The following SORCS1 variants were observed in gnomAD, a reference collection of about 807,000 sequenced individuals.
SORCS1 encodes the protein VPS10 domain-containing receptor SorCS1.
In SORCS1, 60 loss-of-function variants were observed where a neutral mutation model predicts 146.1. The observed-to-expected ratio is 0.41, with a 90% CI of 0.33 to 0.51. The LOEUF (loss-of-function observed/expected upper bound fraction) is 0.51, where lower values mean the gene tolerates loss of function less well. Among genes scored for constraint, SORCS1 ranks in the 20% least tolerant of loss-of-function variants. The pLI, the probability that SORCS1 is intolerant of heterozygous loss-of-function variation, is 0.21. For synonymous variants in SORCS1, 637 were observed against 584.0 expected (o/e 1.09, Z -1.31); for missense variants, 1,352 against 1,487.6 (o/e 0.91, Z 1.50).
At chr10:106,761,492 G>A in intron 5 of SORCS1, 96 bp downstream of exon 5, 1 of 1,042,558 alleles carries the variant, frequency 9.6e-7, no homozygotes, top group Admixed American at 1.7e-5. Context: ...GACCTTATGT[G>A]AGAGCACTGG....
At chr10:106,722,913 G>T (rs1330243779) in intron 6 of SORCS1, among the ~76,000 whole-genome samples, 1 of 152,190 alleles carries the variant, frequency 6.6e-6, no homozygotes, top group Non-Finnish European at 1.5e-5. Flanking sequence ...GTTTCAGGGA[G>T]GTAGTAAGTC....
At chr10:106,834,642 G>A (rs1053049024) in intron 2 of SORCS1, among the ~76,000 whole-genome samples, 4 of 151,914 alleles carry the variant, frequency 2.6e-5, no homozygotes, top group African/African-American at 9.7e-5. Context: ...ATGCCAGCCT[G>A]GACTAACCAT....
chr10:106,772,136 T>A (rs1423395258), intron 4 of SORCS1, among the ~76,000 whole-genome samples: 1 of 152,112 alleles, frequency 6.6e-6, no homozygotes, highest in Non-Finnish European at 1.5e-5. Flanking sequence ...AAATCCACCC[T>A]CTCCAGTGTG....
At chr10:106,991,066 G>T (rs1243983912) in intron 1 of SORCS1, among the ~76,000 whole-genome samples, 1 of 152,146 alleles carries the variant, frequency 6.6e-6, no homozygotes, top group African/African-American at 2.4e-5. Flanking sequence ...AGTATTCCAT[G>T]ATACTAACTA....
At chr10:106,715,676 C>A (rs940122849) in intron 6 of SORCS1, among the ~76,000 whole-genome samples, 10 of 152,226 alleles carry the variant, frequency 6.6e-5, no homozygotes, top group African/African-American at 2.4e-4. Flanking sequence ...AGTCCTCTCT[C>A]TGTAATCACC....
intron 19 of SORCS1, among the ~76,000 whole-genome samples, chr10:106,625,840 A>C (rs1464657267): frequency 6.6e-6 from 1 of 152,128 alleles, no homozygotes; most frequent in African/African-American, 2.4e-5. Flanking sequence ...TGGCTGCGAC[A>C]AGGCAGCTTT....
chr10:106,675,201 A>C (rs748797947), intron 13 of SORCS1, 45 bp from the exon 14 acceptor site: 2 of 1,413,458 alleles, frequency 1.4e-6, no homozygotes, highest in African/African-American at 1.4e-5. Context: ...CAAAGGAAAA[A>C]AAAATGTCAT....
intron 2 of SORCS1, among the ~76,000 whole-genome samples, chr10:106,840,859 A>AT (rs1473969372): frequency 3.7e-5 from 4 of 106,754 alleles, no homozygotes; most frequent in African/African-American, 1.4e-4. Flanking sequence ...ATATATATAT[A>AT]TATATTTTTT....
intron 17 of SORCS1, among the ~76,000 whole-genome samples, chr10:106,657,000 T>G (rs1371845897): frequency 5.9e-5 from 9 of 152,210 alleles, no homozygotes; most frequent in Admixed American, 5.9e-4. Context: ...GGGGTAGGAA[T>G]GTAGATTAGT....
chr10:106,636,186 G>T (rs933723501), intron 18 of SORCS1, among the ~76,000 whole-genome samples: 4 of 152,004 alleles, frequency 2.6e-5, no homozygotes, highest in African/African-American at 9.7e-5. Context: ...CTTGAGCCCG[G>T]GAAGTCAAGG....
chr10:106,863,252 G>A (rs1309969581), intron 2 of SORCS1, among the ~76,000 whole-genome samples: 1 of 152,034 alleles, frequency 6.6e-6, no homozygotes, highest in African/African-American at 2.4e-5. Flanking sequence ...GGCTGGGCAC[G>A]GTGACTCACA....
intron 23 of SORCS1, among the ~76,000 whole-genome samples, chr10:106,598,277 ATTT>A (rs1846030541): frequency 1.4e-5 from 2 of 141,508 alleles, no homozygotes; most frequent in Admixed American, 1.4e-4. Context: ...TATTATTATT[ATTT>A]GAGATGGAGT....
intron 4 of SORCS1, among the ~76,000 whole-genome samples, chr10:106,764,058 T>G (rs1859355071): frequency 6.6e-6 from 1 of 152,150 alleles, no homozygotes; most frequent in Non-Finnish European, 1.5e-5. Flanking sequence ...CAAAGAAAAT[T>G]TATCAGAGGA....
rs572447991 is a variant in SORCS1 at position 107,103,260 on chromosome 10, G to A, written c.558+60709C>T. 9.2e-5 allele frequency among the ~76,000 whole-genome samples: 14 copies of A among 152,254 alleles called. No homozygotes were observed. The South Asian group carries it at 2.3e-3, about 25-fold the overall frequency. On this transcript the variant is annotated intron_variant, in intron 1 of 25. Coordinates refer to ENST00000263054, the MANE Select transcript of SORCS1 (RefSeq NM_052918.5). ...TGCGTTACATTTCCCACAAAACAAC[G>A]TTAAGAAACAAAGGAACAGAAGCCA...
At chr10:106,809,081 C>A (rs1424573443) in intron 3 of SORCS1, among the ~76,000 whole-genome samples, 1 of 152,080 alleles carries the variant, frequency 6.6e-6, no homozygotes, top group Non-Finnish European at 1.5e-5. Context: ...GACTCAGATT[C>A]AGTCTTTGCA....
intron 3 of SORCS1, among the ~76,000 whole-genome samples, chr10:106,802,567 T>G (rs537876711): frequency 1.3e-5 from 2 of 152,064 alleles, no homozygotes; most frequent in South Asian, 4.2e-4. Flanking sequence ...GGCATGATAT[T>G]GGCACACTGC....
chr10:106,917,066 T>A (rs1014685131), intron 2 of SORCS1, among the ~76,000 whole-genome samples: 4 of 152,184 alleles, frequency 2.6e-5, no homozygotes, highest in African/African-American at 9.6e-5. Flanking sequence ...TTCTTTTTTA[T>A]CCTGTCATTT....
chr10:106,631,861 T>C (rs1368905605), intron 18 of SORCS1, among the ~76,000 whole-genome samples: 1 of 152,188 alleles, frequency 6.6e-6, no homozygotes, highest in Non-Finnish European at 1.5e-5. Flanking sequence ...ACCAGTTACA[T>C]AAAAACCCTC....
chr10:106,715,242 T>C (rs560223301), intron 6 of SORCS1, among the ~76,000 whole-genome samples: 1 of 152,350 alleles, frequency 6.6e-6, no homozygotes, highest in Middle Eastern at 3.4e-3. Flanking sequence ...TTAATTAATG[T>C]CAATTAATGC....
Sources: allele counts gnomAD v4.1 joint callset (sites outside exome capture counted in the v4.1 genomes callset), GRCh38; gene constraint gnomAD v4.1.1; transcripts MANE v1.5; gene names NCBI Gene and HGNC (gene_info 2026-07-23, HGNC 2026-07-21).